Variants in INTS13 observed in about 807,000 individuals in gnomAD.
INTS13 encodes asunder, spermatogenesis regulator homolog (Drosphila).
INTS13 carries 35 observed loss-of-function variants against 90.2 expected under a neutral mutation model. The observed-to-expected ratio is 0.39, with a 90% CI of 0.30 to 0.51. INTS13 has a LOEUF of 0.51. INTS13 is among the 20% of genes least tolerant of loss of function. INTS13 has a pLI of 0.80. For missense variants in INTS13, 601 were observed against 851.2 expected, an observed-to-expected ratio of 0.71 and a Z score of 3.66; for synonymous variants, 309 against 277.1, an observed-to-expected ratio of 1.11 and a Z score of -1.14.
intron 3 of INTS13, among the ~76,000 whole-genome samples, chr12:26,933,421 T>C (rs1938303911): frequency 1.3e-5 from 2 of 152,160 alleles, no homozygotes; most frequent in South Asian, 4.2e-4. Context: ...TGCGAAATTA[T>C]AAAGAAAAAT....
chr12:26,913,000 G>T (rs139347680), intron 14 of INTS13, among the ~76,000 whole-genome samples: 4 of 152,134 alleles, frequency 2.6e-5, no homozygotes, highest in Admixed American at 6.5e-5. Context: ...CAAAGTGCTG[G>T]GATTACAGGT....
intron 12 of INTS13, 55 bp downstream of exon 12, chr12:26,914,353 C>A: frequency 6.8e-7 from 1 of 1,475,568 alleles, no homozygotes; most frequent in South Asian, 1.3e-5. Flanking sequence ...TAATTGATTT[C>A]TATAAAGAAT....
chr12:26,905,273 T>C lies in INTS13; in HGVS notation c.*224A>G. On this transcript the variant is annotated 3_prime_UTR_variant, in exon 17 of 17. Coordinates refer to ENST00000261191, the MANE Select transcript of INTS13 (RefSeq NM_018164.3). ...TTTCCAGAGAGAACACTTTATACCA[T>C]AAAATAAACTTGTATAATTTGGGAG... The C allele has an allele frequency of 2.1e-6, 1 of 483,866 alleles. No individual in the cohort carries two copies. The highest frequency in any genetic ancestry group is 3.7e-5 in the East Asian group (1 of 26,830). 30.0% of individuals were successfully genotyped at this position (483,866 alleles called of 1,614,324 possible). A position where few individuals can be genotyped will look rare whatever the true frequency, so the allele number is the denominator to read the frequency against.
intron 8 of INTS13, among the ~76,000 whole-genome samples, chr12:26,920,240 C>T (rs1301633416): frequency 1.3e-5 from 2 of 152,192 alleles, no homozygotes; most frequent in African/African-American, 4.8e-5. Flanking sequence ...CTAACTCTTA[C>T]TGGCACAACC....
Position 26,928,226 on chromosome 12 carries a change from T to A in INTS13, c.563A>T (p.Lys188Met). The A allele has an allele frequency of 6.2e-7, 1 of 1,609,762 alleles. No homozygotes were observed. ...CVQETIHEHN[K>M]LAANSDHLMQ... ...TCACTGATCTGAATTTGCAGCAAGC[T>A]TGTTATGTTCATGAATCGTTTCCTG... is the stretch of plus-strand genomic sequence containing the variant. Residue 188 changes from lysine (K) to methionine (M), a missense_variant, in exon 5 of 17, where the codon AAG (lysine) becomes ATG (methionine). Lys to Met is a moderately conservative substitution (Grantham distance 95). Coordinates refer to ENST00000261191, the MANE Select transcript of INTS13 (RefSeq NM_018164.3).
chr12:26,938,260 C>T (rs1938595115), upstream of INTS13: 1 of 152,288 alleles, frequency 6.6e-6, no homozygotes, highest in South Asian at 2.1e-4. Flanking sequence ...AGCGTACGAC[C>T]CACCCACCCG....
intron 3 of INTS13, among the ~76,000 whole-genome samples, chr12:26,933,920 C>CAT (rs1938324450): frequency 6.6e-6 from 1 of 151,970 alleles, no homozygotes; most frequent in African/African-American, 2.4e-5. Context: ...AGGAACTAAC[C>CAT]ATATATATTA....
intron 15 of INTS13, among the ~76,000 whole-genome samples, chr12:26,907,467 A>G (rs1951643510): frequency 6.6e-6 from 1 of 152,256 alleles, no homozygotes; most frequent in African/African-American, 2.4e-5. Context: ...AAAATTGATC[A>G]TGACCTAAAT....
chr12:26,936,403 T>A (rs983380022), intron 2 of INTS13, among the ~76,000 whole-genome samples, 176 bp downstream of exon 2: 1 of 152,164 alleles, frequency 6.6e-6, no homozygotes, highest in African/African-American at 2.4e-5. Flanking sequence ...TTAGCTGTTA[T>A]TATTACTGGC....
Position 26,937,828 on chromosome 12 carries a change from G to T in INTS13, c.-44C>A, listed in dbSNP as rs374358005. 3 of 152,942 alleles carry T rather than the reference G, an allele frequency of 2.0e-5. No individual in the cohort carries two copies. The highest frequency in any genetic ancestry group is 7.2e-5 in the African/African-American group (3 of 41,580). The allele number at this position is 152,942 out of a possible 1,614,324, so 9.5% of individuals were successfully genotyped here. On this transcript the variant is annotated 5_prime_UTR_variant, in exon 1 of 17. It adds an upstream start codon to the 5' untranslated region. Transcript: ENST00000261191. ...CCTGGTCCTGCAGTGAAAACGAACAGAGGCTATGGACCACAGCCTCTCTGG... is the reference window on the plus strand; with the variant it reads ...CCTGGTCCTGCAGTGAAAACGAACATAGGCTATGGACCACAGCCTCTCTGG...
intron 11 of INTS13, among the ~76,000 whole-genome samples, chr12:26,915,140 C>T (rs766109193): frequency 6.6e-6 from 1 of 152,076 alleles, no homozygotes; most frequent in Admixed American, 6.5e-5. Flanking sequence ...GCAGGAGAAT[C>T]GCCTAAACCC....
intron 5 of INTS13, 81 bp downstream of exon 5, chr12:26,928,124 T>C (rs1211046607): frequency 8.9e-6 from 9 of 1,010,440 alleles, no homozygotes; most frequent in East Asian, 5.2e-5. Flanking sequence ...AGGGAAACGC[T>C]ACCAGTCAAG....
Position 26,928,819 on chromosome 12 carries a change from T to C in INTS13, c.387A>G (p.Ala129=), listed in dbSNP as rs1331572300. ...CCSILHGLVA[A]VETLCKITEY... ...CAGTAATTTTGCAGAGAGTTTCCAC[T>C]GCTGCAACAAGGCCATGCAGAATAC... Residue 129 remains alanine, a synonymous_variant, in exon 4 of 17, where the codon GCA becomes GCG. Transcript: ENST00000261191. The C allele has an allele frequency of 6.2e-7, 1 of 1,614,230 alleles. No individual in the cohort carries two copies. Among genetic ancestry groups the C allele is most frequent in the Admixed American group, 1.7e-5 (1 of 60,030 alleles).
At chr12:26,917,573 T>C in intron 9 of INTS13, 71 bp downstream of exon 9, 1 of 1,405,696 alleles carries the variant, frequency 7.1e-7, no homozygotes, top group South Asian at 1.2e-5. Context: ...CAAAACAGAA[T>C]AAATTGACCC....
At chr12:26,918,859 G>A (rs1470440584) in intron 8 of INTS13, among the ~76,000 whole-genome samples, 1 of 152,120 alleles carries the variant, frequency 6.6e-6, no homozygotes, top group Non-Finnish European at 1.5e-5. Flanking sequence ...AGTTATAAGG[G>A]TATGAGTAGA....
At chr12:26,923,450 G>T (rs1937693228) in intron 7 of INTS13, among the ~76,000 whole-genome samples, 1 of 152,104 alleles carries the variant, frequency 6.6e-6, no homozygotes, top group Non-Finnish European at 1.5e-5. Context: ...GCAATTTATT[G>T]TTCATAATAT....
chr12:26,910,668 T>C (rs1951744201), intron 15 of INTS13, among the ~76,000 whole-genome samples: 1 of 152,182 alleles, frequency 6.6e-6, no homozygotes, highest in African/African-American at 2.4e-5. Context: ...CTCTTTCCTT[T>C]AAAAATTACC....
intron 8 of INTS13, among the ~76,000 whole-genome samples, chr12:26,919,660 C>T (rs1304853883): frequency 6.6e-6 from 1 of 152,092 alleles, no homozygotes; most frequent in Non-Finnish European, 1.5e-5. Flanking sequence ...TTAGATGTCT[C>T]AAAAACGATT....
At chr12:26,921,331 A>G (rs777704010) in intron 8 of INTS13, among the ~76,000 whole-genome samples, 2 of 152,256 alleles carry the variant, frequency 1.3e-5, no homozygotes, top group African/African-American at 4.8e-5. Context: ...GGCCAAGTTG[A>G]AAGTCTATCA....
Sources: allele counts gnomAD v4.1 joint callset (sites outside exome capture counted in the v4.1 genomes callset), GRCh38; gene constraint gnomAD v4.1.1; transcripts MANE v1.5; gene names NCBI Gene and HGNC (gene_info 2026-07-23, HGNC 2026-07-21).